PLCB1: variants seen among roughly 807,000 people sequenced by gnomAD.
PLCB1 encodes the protein phospholipase C beta 1.
A neutral mutation model predicts 161.8 loss-of-function variants in PLCB1; 46 were observed. The ratio of observed to expected loss-of-function variants is 0.28; its 90% confidence interval spans 0.22 to 0.36. The LOEUF (loss-of-function observed/expected upper bound fraction) is 0.36. Ranked by LOEUF, PLCB1 falls within the 10% of genes least tolerant of loss-of-function variation. PLCB1 has a pLI of 1.00. For missense variants in PLCB1, 1,016 were observed against 1,472.5 expected (o/e 0.69, Z 5.07); for synonymous variants, 517 against 503.7 (o/e 1.03, Z -0.35).
At chr20:8,624,865 T>C (rs1250912909) in intron 3 of PLCB1, among the ~76,000 whole-genome samples, 1 of 152,196 alleles carries the variant, frequency 6.6e-6, no homozygotes, top group Admixed American at 6.5e-5. Flanking sequence ...AATTCAATTA[T>C]AGCTGCCAGG....
chr20:8,649,496 A>G (rs1179295973), intron 7 of PLCB1, 47 bp downstream of exon 7: 1 of 1,346,750 alleles, frequency 7.4e-7, no homozygotes, highest in Non-Finnish European at 1.1e-6. Context: ...GCCCCTCCAA[A>G]ACTCATGTTG....
chr20:8,536,005 C>T (rs910117220), intron 3 of PLCB1, among the ~76,000 whole-genome samples: 2 of 151,526 alleles, frequency 1.3e-5, no homozygotes, highest in African/African-American at 4.8e-5. Flanking sequence ...TTCTTTTTCC[C>T]TCCTGAAGTT....
At chr20:8,441,350 T>C (rs1382923291) in intron 3 of PLCB1, among the ~76,000 whole-genome samples, 2 of 152,168 alleles carry the variant, frequency 1.3e-5, no homozygotes, top group Non-Finnish European at 2.9e-5. Flanking sequence ...AGCCAAAGAT[T>C]TTCTGAATTT....
At chr20:8,829,723 A>T (rs1985891547) in intron 31 of PLCB1, among the ~76,000 whole-genome samples, 1 of 152,196 alleles carries the variant, frequency 6.6e-6, no homozygotes, top group Admixed American at 6.5e-5. Flanking sequence ...AATATGAAAG[A>T]GTAGAGAGGG....
intron 3 of PLCB1, among the ~76,000 whole-genome samples, chr20:8,394,455 C>T (rs1422459937): frequency 6.6e-6 from 1 of 152,042 alleles, no homozygotes; most frequent in African/African-American, 2.4e-5. Context: ...GACTTTTATG[C>T]CCTGAAAGTG....
intron 2 of PLCB1, among the ~76,000 whole-genome samples, chr20:8,211,215 G>T (rs1214663716): frequency 1.3e-5 from 2 of 152,082 alleles, no homozygotes; most frequent in African/African-American, 4.8e-5. Context: ...CTGGTTGGAT[G>T]AGAGACTTGG....
chr20:8,784,512 G>A (rs551700537), intron 27 of PLCB1, among the ~76,000 whole-genome samples: 20 of 151,370 alleles, frequency 1.3e-4, no homozygotes, highest in African/African-American at 4.6e-4. Flanking sequence ...GCAGTGAGCC[G>A]AGATTGCACC....
At chr20:8,594,292 T>G (rs966499830) in intron 3 of PLCB1, among the ~76,000 whole-genome samples, 6 of 152,172 alleles carry the variant, frequency 3.9e-5, no homozygotes, top group African/African-American at 1.4e-4. Context: ...AGAAACTTGT[T>G]GCCCTCCTGA....
At chr20:8,591,026 A>C (rs964948853) in intron 3 of PLCB1, among the ~76,000 whole-genome samples, 1 of 150,972 alleles carries the variant, frequency 6.6e-6, no homozygotes, top group African/African-American at 2.4e-5. Flanking sequence ...CCCTGTGTCC[A>C]TGTGTTCTCA....
At chr20:8,431,158 G>A (rs752396307) in intron 3 of PLCB1, among the ~76,000 whole-genome samples, 21 of 151,914 alleles carry the variant, frequency 1.4e-4, no homozygotes, top group Non-Finnish European at 2.6e-4. Context: ...AGCCTCAAAC[G>A]AAGTGTAAAA....
At chr20:8,257,380 T>A (rs6039112) in intron 2 of PLCB1, among the ~76,000 whole-genome samples, 6 of 152,256 alleles carry the variant, frequency 3.9e-5, no homozygotes, top group African/African-American at 1.2e-4. Flanking sequence ...TCTACTCATA[T>A]GGTAATAATT....
At chr20:8,864,174 T>C (rs995700080) in intron 31 of PLCB1, among the ~76,000 whole-genome samples, 8 of 152,170 alleles carry the variant, frequency 5.3e-5, no homozygotes, top group African/African-American at 1.7e-4. Context: ...GGGGAAATGA[T>C]GTGGTAGGCC....
At chr20:8,830,363 G>A (rs866346294) in intron 31 of PLCB1, among the ~76,000 whole-genome samples, 6 of 152,232 alleles carry the variant, frequency 3.9e-5, no homozygotes, top group Non-Finnish European at 8.8e-5. Context: ...GACAGGAGCA[G>A]CCATTGAGAG....
At chr20:8,672,595 G>T (rs1244143321) in intron 9 of PLCB1, among the ~76,000 whole-genome samples, 4 of 152,040 alleles carry the variant, frequency 2.6e-5, no homozygotes, top group African/African-American at 7.2e-5. Flanking sequence ...TGCATACCGA[G>T]CAGGGAAGAG....
At chr20:8,284,492 C>T (rs1044712272) in intron 2 of PLCB1, among the ~76,000 whole-genome samples, 4 of 152,070 alleles carry the variant, frequency 2.6e-5, no homozygotes, top group Non-Finnish European at 5.9e-5. Context: ...GATCCCAGAG[C>T]CTTGGGAGGC....
intron 27 of PLCB1, among the ~76,000 whole-genome samples, chr20:8,786,713 A>C (rs1418138106): frequency 6.8e-6 from 1 of 147,952 alleles, no homozygotes; most frequent in Non-Finnish European, 1.5e-5. Flanking sequence ...TTTGAGACAG[A>C]GTTTTGCTCT....
At position 8,166,145 on chromosome 20, in the gene PLCB1, C is replaced by T. The variant is rs550653528; in HGVS notation, c.177+15774C>T. 6.6e-5 allele frequency among the ~76,000 whole-genome samples: 10 copies of T among 152,232 alleles called. No individual in the cohort carries two copies. The South Asian group carries it at 1.5e-3, about 22-fold the overall frequency. On this transcript the variant is annotated intron_variant, in intron 2 of 31. Coordinates refer to ENST00000338037, the MANE Select transcript of PLCB1 (RefSeq NM_015192.4). ...CTCACTGGCTACTTCCTTTCTTTCT[C>T]GCTTTCACTCATAGCAAGCTTCTTC... is the stretch of plus-strand genomic sequence containing the variant.
At chr20:8,683,558 A>G (rs566411209) in intron 9 of PLCB1, among the ~76,000 whole-genome samples, 1 of 152,310 alleles carries the variant, frequency 6.6e-6, no homozygotes, top group South Asian at 2.1e-4. Flanking sequence ...TTATGACAAA[A>G]AATTGTCTCA....
At chr20:8,801,029 A>G (rs887761566) in intron 31 of PLCB1, among the ~76,000 whole-genome samples, 8 of 152,160 alleles carry the variant, frequency 5.3e-5, no homozygotes, top group African/African-American at 1.9e-4. Context: ...CACAAGTTAA[A>G]TCAGGTCACT....
Sources: gnomAD v4.1 joint callset for allele counts (sites outside exome capture counted in the v4.1 genomes callset) on GRCh38, gnomAD v4.1.1 for gene constraint, MANE v1.5 for transcripts, NCBI Gene and HGNC (gene_info 2026-07-23, HGNC 2026-07-21) for gene names.